IQSEC3: variants seen among roughly 807,000 people sequenced by gnomAD.
IQSEC3 encodes IQ motif and Sec7 domain ArfGEF 3.
A neutral mutation model predicts 105.4 loss-of-function variants in IQSEC3; 50 were observed. The observed-to-expected ratio is 0.47, with a 90% CI of 0.38 to 0.60. The LOEUF (loss-of-function observed/expected upper bound fraction) is 0.60. IQSEC3 is among the 20% of genes least tolerant of loss of function. The pLI, the probability that IQSEC3 is intolerant of heterozygous loss-of-function variation, is 0.00. For synonymous variants in IQSEC3, 708 were observed against 746.0 expected, an observed-to-expected ratio of 0.95 and a Z score of 0.83; for missense variants, 1,415 against 1,630.0, an observed-to-expected ratio of 0.87 and a Z score of 2.27.
chr12:91,922 A>G (rs1864099424), intron 1 of IQSEC3, among the ~76,000 whole-genome samples: 1 of 152,120 alleles, frequency 6.6e-6, no homozygotes, highest in Non-Finnish European at 1.5e-5. Context: ...GAATTCCCAG[A>G]GCCAGCTGCT....
chr12:169,384 G>A (rs2137066399), intron 12 of IQSEC3, among the ~76,000 whole-genome samples: 1 of 152,338 alleles, frequency 6.6e-6, no homozygotes, highest in East Asian at 1.9e-4. Context: ...TCAGGCAAGA[G>A]TCCTGGCATC....
At chr12:158,046 T>A (rs986669793) in intron 7 of IQSEC3, among the ~76,000 whole-genome samples, 3 of 152,244 alleles carry the variant, frequency 2.0e-5, no homozygotes, top group Admixed American at 6.5e-5. Context: ...AGCAGGGCCC[T>A]GGGTCCATTT....
chr12:163,123 C>T (rs1866976609), intron 8 of IQSEC3, among the ~76,000 whole-genome samples: 1 of 151,554 alleles, frequency 6.6e-6, no homozygotes, highest in Admixed American at 6.6e-5. Context: ...GTCCAGGCCC[C>T]AGGACAGAAC....
intron 2 of IQSEC3, among the ~76,000 whole-genome samples, chr12:107,402 CTTTTTTT>C (rs58053657): frequency 1.3e-5 from 1 of 75,984 alleles, no homozygotes; most frequent in African/African-American, 5.2e-5. Context: ...AGTCTGTTTT[CTTTTTTT>C]TTTTTTTTTT....
At chr12:84,358 A>G (rs1446152884) in intron 1 of IQSEC3, among the ~76,000 whole-genome samples, 2 of 152,218 alleles carry the variant, frequency 1.3e-5, no homozygotes, top group African/African-American at 2.4e-5. Flanking sequence ...CGTGGCCCAT[A>G]TGGTCAGGAG....
intron 5 of IQSEC3, 149 bp downstream of exon 5, chr12:141,434 A>G: frequency 1.2e-6 from 1 of 807,376 alleles, no homozygotes; most frequent in Non-Finnish European, 1.9e-6. Context: ...TCCCCTCTTT[A>G]GCCCATCACC....
At chr12:168,933 G>A in intron 11 of IQSEC3, 80 bp from the exon 12 acceptor site, 2 of 1,188,460 alleles carry the variant, frequency 1.7e-6, no homozygotes, top group Non-Finnish European at 1.3e-6. Context: ...TCCCCTTTCT[G>A]CTGGCCCCTC....
intron 1 of IQSEC3, among the ~76,000 whole-genome samples, chr12:74,553 A>G (rs1863445073): frequency 6.6e-6 from 1 of 152,230 alleles, no homozygotes; most frequent in Non-Finnish European, 1.5e-5. Context: ...ACTCTTCAAG[A>G]CTGGTGTGCG....
At chr12:143,003 C>A (rs1192023631) in intron 5 of IQSEC3, among the ~76,000 whole-genome samples, 2 of 152,212 alleles carry the variant, frequency 1.3e-5, no homozygotes, top group East Asian at 3.9e-4. Flanking sequence ...TCTGTCTTTC[C>A]CAGTCTCCAT....
intron 1 of IQSEC3, among the ~76,000 whole-genome samples, chr12:83,985 A>G (rs1430975490): frequency 2.0e-5 from 3 of 152,214 alleles, no homozygotes; most frequent in Admixed American, 2.0e-4. Context: ...CTGAGGCTCA[A>G]AGAGGTTAAG....
At chr12:79,231 C>A (rs1182004606) in intron 1 of IQSEC3, among the ~76,000 whole-genome samples, 4 of 31,280 alleles carry the variant, frequency 1.3e-4, no homozygotes, top group African/African-American at 6.9e-4. Context: ...CCCTCCCTCA[C>A]CCCCCGCCTA....
chr12:167,088 G>C (rs1394834065), intron 11 of IQSEC3: 1 of 152,188 alleles, frequency 6.6e-6, no homozygotes, highest in East Asian at 1.9e-4. Flanking sequence ...ACTGCTTGGT[G>C]GGGAGGGGCG....
At chr12:117,014 T>C (rs1229529074) in intron 2 of IQSEC3, among the ~76,000 whole-genome samples, 1 of 152,190 alleles carries the variant, frequency 6.6e-6, no homozygotes, top group African/African-American at 2.4e-5. Flanking sequence ...TATTTGCATA[T>C]ATAAAATACC....
At chr12:171,184 A>G (rs782059636) in intron 13 of IQSEC3, 23 bp downstream of exon 13, 7 of 1,614,088 alleles carry the variant, frequency 4.3e-6, no homozygotes, top group Non-Finnish European at 5.9e-6. Context: ...CTGGTTGCCC[A>G]GGTGAGTGAC....
intron 8 of IQSEC3, among the ~76,000 whole-genome samples, chr12:162,740 G>A (rs907934695): frequency 5.3e-5 from 8 of 152,226 alleles, no homozygotes; most frequent in East Asian, 1.9e-4. Context: ...AGCATCTGTC[G>A]GGTTGCAAGC....
intron 2 of IQSEC3, among the ~76,000 whole-genome samples, chr12:125,143 GC>G (rs1555082832): frequency 6.6e-6 from 1 of 152,162 alleles, no homozygotes; most frequent in African/African-American, 2.4e-5. Context: ...AAGGAGCCGG[GC>G]CACCGATACT....
intron 3 of IQSEC3, among the ~76,000 whole-genome samples, chr12:132,065 G>A (rs1267746481): frequency 6.6e-6 from 1 of 152,198 alleles, no homozygotes; most frequent in Non-Finnish European, 1.5e-5. Context: ...AGGAGACTGA[G>A]TGTCAAAGAG....
rs994946060 is a variant in IQSEC3, at chr12:163,533, C to G, written c.2623C>G (p.Arg875Gly). The G allele has an allele frequency of 6.2e-7, 1 of 1,611,664 alleles. No individual in the cohort carries two copies. The highest frequency in any genetic ancestry group is 8.5e-7 in the Non-Finnish European group (1 of 1,179,300). ...CCACCGCCGCCTGGTGTGCTGCAGC[C>G]GGCTCTTCGAGGTGACGGATGTGAA... Reference protein sequence around the residue: ...VPHRRLVCCSRLFEVTDVNKL... With the variant: ...VPHRRLVCCSGLFEVTDVNKL... Residue 875 changes from arginine to glycine, a missense_variant, in exon 9 of 14, where the codon CGG becomes GGG. By Grantham distance (125) the Arg-to-Gly change is moderately radical. Coordinates refer to ENST00000538872, the MANE Select transcript of IQSEC3 (RefSeq NM_001170738.2).
intron 4 of IQSEC3, chr12:140,875 AG>A: frequency 2.1e-6 from 1 of 465,198 alleles, no homozygotes; most frequent in Non-Finnish European, 3.8e-6. Context: ...GCAGGGACAG[AG>A]AAGGGTACTT....
Sources: gnomAD v4.1 joint callset for allele counts (sites outside exome capture counted in the v4.1 genomes callset) on GRCh38, gnomAD v4.1.1 for gene constraint, MANE v1.5 for transcripts, NCBI Gene and HGNC (gene_info 2026-07-23, HGNC 2026-07-21) for gene names.